Variants in PCDH18 observed in about 807,000 individuals in gnomAD.
The protein encoded by PCDH18 is protocadherin-18.
Under a neutral mutation model 71.5 loss-of-function variants are expected in PCDH18, and 38 were observed. The ratio of observed to expected loss-of-function variants is 0.53; its 90% CI spans 0.41 to 0.70. The LOEUF (loss-of-function observed/expected upper bound fraction) is 0.70, where lower values mean the gene tolerates loss of function less well. PCDH18 is among the 30% of genes least tolerant of loss of function. PCDH18 has a pLI of 0.00. For missense variants in PCDH18, 1,334 were observed against 1,384.6 expected (o/e 0.96, Z 0.58); for synonymous variants, 565 against 505.4 (o/e 1.12, Z -1.58).
At position 137,531,845 on chromosome 4, in the gene PCDH18, C is replaced by T. The variant is rs747376581; in HGVS notation, c.244G>A (p.Asp82Asn). 1.2e-6 allele frequency: 2 copies of T among 1,614,092 alleles called. No individual in the cohort carries two copies. Among genetic ancestry groups the T allele is most frequent in the Non-Finnish European group, 1.7e-6 (2 of 1,179,992 alleles). ...GCCCCTATGCTGATTTCCCCATTAT[C>T]CTCGTTTACTACAAGTAGAGGAGAA... ...GNSPLLVVNE[D>N]NGEISIGATI... Residue 82 changes from aspartate (D) to asparagine (N), a missense_variant, in exon 1 of 4, where the codon GAT (aspartate) becomes AAT (asparagine). This residue lies in a region of PCDH18 where 1,011 missense variants were observed against 1,048.0 expected (regional missense o/e 0.96). Transcript: ENST00000344876.
In PCDH18 at chr4:137,529,950, C is replaced by G; in HGVS notation, c.2139G>C (p.Leu713Phe). The part of the protein sequence containing the change: ...IISLGAICAV[L>F]LVIMVLFATR... Reference sequence around the variant, plus strand: ...TTGCAAATAGCACCATAATAACCAGCAACACTGCACAAATTGCTCCTAAGG... The same window carrying G: ...TTGCAAATAGCACCATAATAACCAGGAACACTGCACAAATTGCTCCTAAGG... The change falls in exon 1 of 4, where the codon TTG (leucine) becomes TTC (phenylalanine). Residue 713 changes from leucine (L) to phenylalanine (F), a missense_variant. Transcript: ENST00000344876. The G allele has an allele frequency of 1.2e-6, 2 of 1,613,744 alleles. No homozygotes were observed. Among genetic ancestry groups the G allele is most frequent in the Non-Finnish European group, 8.5e-7 (1 of 1,179,764 alleles).
intron 3 of PCDH18, among the ~76,000 whole-genome samples, chr4:137,526,220 AT>A (rs953591107): frequency 6.6e-6 from 1 of 152,174 alleles, no homozygotes; most frequent in African/African-American, 2.4e-5. Context: ...CTTTAGGATC[AT>A]TTAATCCCCA....
rs1344709588 is a variant in PCDH18, at chr4:137,531,530, G to T, written c.559C>A (p.Arg187=). 1.2e-6 allele frequency: 2 copies of T among 1,613,180 alleles called. No individual in the cohort carries two copies. The highest frequency in any genetic ancestry group is 8.5e-7 in the Non-Finnish European group (1 of 1,179,670). Residue 187 remains arginine (R), a synonymous_variant, in exon 1 of 4, where the codon CGG becomes AGG. Transcript: ENST00000344876. ...TACTTGGCTCCATCAGTCCTGGTCC[G>T]AACCTCGATATTAAAAAAATCATTG... is the stretch of plus-strand genomic sequence containing the variant. ...SANDFFNIEV[R]TRTDGAKYAE... is the part of the protein sequence containing the mutation.
chr4:137,525,861 TTG>T (rs1731438870), intron 3 of PCDH18, among the ~76,000 whole-genome samples: 1 of 151,876 alleles, frequency 6.6e-6, no homozygotes, highest in East Asian at 1.9e-4. Flanking sequence ...TTTTTAAAAA[TTG>T]TCTCATGTTA....
intron 3 of PCDH18, among the ~76,000 whole-genome samples, chr4:137,522,871 G>A (rs945824159): frequency 1.3e-5 from 2 of 152,042 alleles, no homozygotes; most frequent in African/African-American, 4.8e-5. Context: ...GCATACAGTA[G>A]GTATTCACTA....
At position 137,530,636 on chromosome 4, in the gene PCDH18, T is replaced by A. The variant is rs1193272712; in HGVS notation, c.1453A>T (p.Thr485Ser). ...TCAGGATCTGTGGCTGTAACAGTGG[T>A]GATATATGCCCCTGGTGAGTTATTT... ...SENNSPGAYITTVTATDPDLG... is the reference protein window; with the variant it reads ...SENNSPGAYISTVTATDPDLG... Residue 485 changes from threonine (T) to serine (S), a missense_variant, in exon 1 of 4, where the codon ACC (threonine) becomes TCC (serine). By Grantham distance (58) the Thr-to-Ser change is moderately conservative (BLOSUM62 1). This residue lies in a region of PCDH18 where 1,011 missense variants were observed against 1,048.0 expected (regional missense o/e 0.96). Coordinates refer to ENST00000344876, the MANE Select transcript of PCDH18 (RefSeq NM_019035.5). 6.2e-7 allele frequency: 1 copy of A among 1,614,068 alleles called. No individual in the cohort carries two copies. The highest frequency in any genetic ancestry group is 8.5e-7 in the Non-Finnish European group (1 of 1,179,970).
rs141406870 is a variant in PCDH18, at chr4:137,529,835, G to A, written c.2254C>T (p.Arg752Trp). The A allele has an allele frequency of 1.1e-5, 18 of 1,611,114 alleles. No homozygotes were observed. Among genetic ancestry groups the A allele is most frequent in the East Asian group, 2.2e-5 (1 of 44,814 alleles). The change falls in exon 1 of 4, where the codon CGG (arginine) becomes TGG (tryptophan). Residue 752 changes from arginine (R) to tryptophan (W), a missense_variant. Arg to Trp is a moderately radical substitution (Grantham distance 101). This residue lies in a region of PCDH18 where 1,011 missense variants were observed against 1,048.0 expected (regional missense o/e 0.96). Coordinates refer to ENST00000344876, the MANE Select transcript of PCDH18 (RefSeq NM_019035.5). ...TYQHHPKRPS[R>W]QIHKGDITLV... ...GTGATGTCCCCTTTGTGAATCTGCC[G>A]GGATGGCCTTTTTGGGTGGTGCTGG...
chr4:137,529,913 G>A lies in PCDH18; in HGVS notation c.2176C>T (p.Arg726Cys), dbSNP rs745658261. The change falls in exon 1 of 4, where the codon CGC becomes TGC. Residue 726 changes from arginine to cysteine, a missense_variant. Physicochemically the swap from Arg to Cys is radical, Grantham distance 180. Around this residue, in one of 3 missense-constraint regions of PCDH18, gnomAD observed 1,011 missense variants for 1,048.0 expected, o/e 0.96. Coordinates refer to ENST00000344876, the MANE Select transcript of PCDH18 (RefSeq NM_019035.5). ...TAGGATCTAGTGTCTTTCTTCTCGC[G>A]GTTACACCTAGTTGCAAATAGCACC... Reference protein sequence around the residue: ...IMVLFATRCNREKKDTRSYNC... With the variant: ...IMVLFATRCNCEKKDTRSYNC... 5.0e-5 allele frequency: 81 copies of A among 1,613,626 alleles called. No individual in the cohort carries two copies. Among genetic ancestry groups the A allele is most frequent in the East Asian group, 6.7e-5 (3 of 44,868 alleles).
intron 3 of PCDH18, among the ~76,000 whole-genome samples, chr4:137,522,926 G>GA (rs1027391491): frequency 1.1e-4 from 16 of 151,802 alleles, no homozygotes; most frequent in East Asian, 5.8e-4. Flanking sequence ...TTGACTTTCT[G>GA]AAAAAAAAGA....
chr4:137,530,600 T>C lies in PCDH18; in HGVS notation c.1489A>G (p.Asn497Asp). The change falls in exon 1 of 4, where the codon AAT becomes GAT. Residue 497 changes from asparagine to aspartate, a missense_variant. Around this residue, in one of 3 missense-constraint regions of PCDH18, gnomAD observed 1,011 missense variants for 1,048.0 expected, o/e 0.96. Transcript: ENST00000344876. ...AAGATGGTGTATGTCACTTGCCCATTTTCTCCAAGATCAGGATCTGTGGCT... is the reference window on the plus strand; with the variant it reads ...AAGATGGTGTATGTCACTTGCCCATCTTCTCCAAGATCAGGATCTGTGGCT... ...VTATDPDLGE[N>D]GQVTYTILES... 1 of 1,614,140 alleles carries C rather than the reference T, an allele frequency of 6.2e-7. No homozygotes were observed. The highest frequency in any genetic ancestry group is 8.5e-7 in the Non-Finnish European group (1 of 1,180,004).
chr4:137,530,966 T>C lies in PCDH18; in HGVS notation c.1123A>G (p.Ile375Val), dbSNP rs1402061823. 6.2e-7 allele frequency: 1 copy of C among 1,613,686 alleles called. No individual in the cohort carries two copies. Among genetic ancestry groups the C allele is most frequent in the South Asian group, 1.1e-5 (1 of 91,036 alleles). Residue 375 changes from isoleucine to valine, a missense_variant, in exon 1 of 4, where the codon ATT (isoleucine) becomes GTT (valine). Around this residue, in one of 3 missense-constraint regions of PCDH18, gnomAD observed 1,011 missense variants for 1,048.0 expected, o/e 0.96. Coordinates refer to ENST00000344876, the MANE Select transcript of PCDH18 (RefSeq NM_019035.5). The part of the protein sequence containing the change: ...EISYIFEGDP[I>V]DTFVALVRVQ... The stretch of plus-strand genomic sequence containing the variant: ...CTGACCAAAGCAACAAATGTATCAA[T>C]AGGATCCCCTTCAAAAATATAAGAT...
At chr4:137,528,274 G>A (rs188720653) in intron 3 of PCDH18, among the ~76,000 whole-genome samples, 73 of 152,030 alleles carry the variant, frequency 4.8e-4, no homozygotes, top group Non-Finnish European at 7.1e-4. Flanking sequence ...TCTTCCAACC[G>A]CTTAATGAAA....
Position 137,529,704 on chromosome 4 carries a change from A to G in PCDH18, c.2385T>C (p.Ser795=). The G allele has an allele frequency of 6.2e-7, 1 of 1,613,808 alleles. No homozygotes were observed. The highest frequency in any genetic ancestry group is 2.2e-5 in the East Asian group (1 of 44,840). ...TGTTGAGTGACTGGTGACTGTTGTG[A>G]CTCTGCCGGCTGCCCATCTGCCCTC... The part of the protein sequence containing the change: ...LERGQMGSRQ[S]HNSHQSLNSL... Residue 795 remains serine (S), a synonymous_variant, in exon 1 of 4, where the codon AGT becomes AGC. Transcript: ENST00000344876.
Position 137,520,003 on chromosome 4 carries a change from A to C in PCDH18, c.*1026T>G, listed in dbSNP as rs890515232. ...GATCATGCACTGGAGACAAAAGCTA[A>C]AAATGAATAGTTATAACAAAGAAAG... On this transcript the variant is annotated 3_prime_UTR_variant, in exon 4 of 4. Coordinates refer to ENST00000344876, the MANE Select transcript of PCDH18 (RefSeq NM_019035.5). 6.6e-6 allele frequency: 1 copy of C among 152,638 alleles called. No homozygotes were observed. The allele number at this position is 152,638 out of a possible 1,614,324, so 9.5% of individuals were successfully genotyped here.
chr4:137,526,462 C>A (rs1368095747), intron 3 of PCDH18, among the ~76,000 whole-genome samples: 1 of 152,094 alleles, frequency 6.6e-6, no homozygotes, highest in East Asian at 1.9e-4. Context: ...TAGCCAACTC[C>A]TTTATTACAC....
At chr4:137,525,143 C>A (rs1181251951) in intron 3 of PCDH18, among the ~76,000 whole-genome samples, 2 of 152,014 alleles carry the variant, frequency 1.3e-5, no homozygotes, top group African/African-American at 4.8e-5. Context: ...GGGATTTTTG[C>A]AGGCATATGC....
rs564489019 is a variant in PCDH18, at chr4:137,528,923, G to T, written c.2488-103C>A. On this transcript the variant is annotated intron_variant, in intron 1 of 3. Coordinates refer to ENST00000344876, the MANE Select transcript of PCDH18 (RefSeq NM_019035.5). ...TGCTTGCTATTTCAACTAAGTAATT[G>T]AATATATTCTCTCTATTTAAAAGAT... 345 of 829,116 alleles carry T rather than the reference G, an allele frequency of 4.2e-4. 3 individuals carry two copies. In the Middle Eastern group the frequency reaches 7.2e-3, roughly 17 times the overall value. The allele number at this position is 829,116 out of a possible 1,614,324, so 51.4% of individuals were successfully genotyped here.
intron 3 of PCDH18, among the ~76,000 whole-genome samples, chr4:137,523,326 A>C (rs1387898874): frequency 6.7e-6 from 1 of 149,568 alleles, no homozygotes; most frequent in Non-Finnish European, 1.5e-5. Context: ...TACTACTTGG[A>C]AATGTTTACC....
In PCDH18 at chr4:137,519,346, T is replaced by G. The variant is rs1731222864; in HGVS notation, c.*1683A>C. 6.6e-6 allele frequency: 1 copy of G among 152,202 alleles called. No individual in the cohort carries two copies. Among genetic ancestry groups the G allele is most frequent in the Admixed American group, 6.5e-5 (1 of 15,276 alleles). The allele number at this position is 152,202 out of a possible 1,614,324, so 9.4% of individuals were successfully genotyped here. On this transcript the variant is annotated 3_prime_UTR_variant, in exon 4 of 4. Coordinates refer to ENST00000344876, the MANE Select transcript of PCDH18 (RefSeq NM_019035.5). ...ATATTCTTGCCTCCTGGAAACATTG[T>G]AAGGATACCTTTTTATCCTGCACAA...
Sources: allele counts gnomAD v4.1 joint callset (sites outside exome capture counted in the v4.1 genomes callset), GRCh38; gene constraint gnomAD v4.1.1; regional missense constraint gnomAD v4.1.1; transcripts MANE v1.5; gene names NCBI Gene and HGNC (gene_info 2026-07-23, HGNC 2026-07-21).